DIRAS1: variants seen among roughly 807,000 people sequenced by gnomAD.
The protein encoded by DIRAS1 is DIRAS family GTPase 1, also known as GTP-binding protein Di-Ras1.
Under a neutral mutation model 11.5 loss-of-function variants are expected in DIRAS1, and 3 were observed. The observed-to-expected ratio is 0.26, with a 90% confidence interval of 0.12 to 0.67. DIRAS1 has a LOEUF of 0.67. DIRAS1 is among the 30% of genes least tolerant of loss of function. DIRAS1 has a pLI of 0.80. For synonymous variants in DIRAS1, 128 were observed against 125.8 expected, an observed-to-expected ratio of 1.02 and a Z score of -0.12; for missense variants, 212 against 285.3, an observed-to-expected ratio of 0.74 and a Z score of 1.85.
rs1191955208 is a variant in DIRAS1, at chr19:2,717,741, C to A, written c.66G>T (p.Ser22=). 2 of 1,605,284 alleles carry A rather than the reference C, an allele frequency of 1.2e-6. No homozygotes were observed. Among genetic ancestry groups the A allele is most frequent in the Admixed American group, 1.7e-5 (1 of 60,024 alleles). ...VFGAGGVGKS[S]LVLRFVKGTF... ...TGCCCTTCACGAAGCGCAGCACCAG[C>A]GAGCTCTTGCCCACGCCGCCCGCCC... is the stretch of plus-strand genomic sequence containing the variant. The change falls in exon 2 of 2, where the codon TCG becomes TCT. Residue 22 remains serine, a synonymous_variant. Coordinates refer to ENST00000323469, the MANE Select transcript of DIRAS1 (RefSeq NM_145173.4).
intron 1 of DIRAS1, among the ~76,000 whole-genome samples, chr19:2,720,277 C>T (rs1913923693): frequency 6.6e-6 from 1 of 152,204 alleles, no homozygotes; most frequent in Non-Finnish European, 1.5e-5. Flanking sequence ...GGACCCAGAT[C>T]CAGCCTTTGC....
chr19:2,720,760 G>A (rs992650583), intron 1 of DIRAS1, among the ~76,000 whole-genome samples: 4 of 152,164 alleles, frequency 2.6e-5, no homozygotes, highest in African/African-American at 7.2e-5. Context: ...AGGGTGGGGC[G>A]GGGGTCTGAC....
At position 2,717,037 on chromosome 19, in the gene DIRAS1, C is replaced by T. The variant is rs1035951405; in HGVS notation, c.*173G>A. On this transcript the variant is annotated 3_prime_UTR_variant, in exon 2 of 2. Coordinates refer to ENST00000323469, the MANE Select transcript of DIRAS1 (RefSeq NM_145173.4). ...AGCAGGGGAGGAAGAAAAGCCCCAG[C>T]CCTGCCTCGGGGTGGGCAGGGGCAG... 38 of 657,744 alleles carry T rather than the reference C, an allele frequency of 5.8e-5. No individual in the cohort carries two copies. The highest frequency in any genetic ancestry group is 8.4e-5 in the Non-Finnish European group (33 of 392,318). 40.7% of individuals were successfully genotyped at this position (657,744 alleles called of 1,614,324 possible). A position where few individuals can be genotyped will look rare whatever the true frequency, so the allele number is the denominator to read the frequency against.
At position 2,717,342 on chromosome 19, in the gene DIRAS1, G is replaced by C. The variant is rs1397473933; in HGVS notation, c.465C>G (p.Tyr155Ter). Residue 155 changes from tyrosine (Y) to a stop codon, truncating the protein, a stop_gained, in exon 2 of 2, where the codon TAC becomes TAG. Coordinates refer to ENST00000323469, the MANE Select transcript of DIRAS1 (RefSeq NM_145173.4). LOFTEE classifies it high-confidence loss of function. ...GCTCCTGGAAGAGCTCCTTGACGTT[G>C]TAGTTCATCTTGGCCGAGGTCTCCA... ...AFMETSAKMN[Y>*]NVKELFQELL... 1 of 1,611,206 alleles carries C rather than the reference G, an allele frequency of 6.2e-7. No individual in the cohort carries two copies. The highest frequency in any genetic ancestry group is 2.2e-5 in the East Asian group (1 of 44,882).
chr19:2,721,015 C>G (rs1364286292), intron 1 of DIRAS1, among the ~76,000 whole-genome samples: 3 of 62,288 alleles, frequency 4.8e-5, no homozygotes, highest in Non-Finnish European at 9.4e-5. Context: ...GGGACCAATG[C>G]GGAGAGGGGC....
rs1282895070 is a variant in DIRAS1, at chr19:2,718,161, A to G, written c.-69-286T>C. Among the ~76,000 whole-genome samples, 2 of 152,208 alleles carry G rather than the reference A, an allele frequency of 1.3e-5. No individual in the cohort carries two copies. The highest frequency in any genetic ancestry group is 1.9e-4 in the East Asian group (1 of 5,194). ...CGTGGGAGACGCCGGGATGCCCACG[A>G]AACTCCTTCCCCGGGTGTGGGTGTC... is the stretch of plus-strand genomic sequence containing the variant. On this transcript the variant is annotated intron_variant, in intron 1 of 1. Coordinates refer to ENST00000323469, the MANE Select transcript of DIRAS1 (RefSeq NM_145173.4). This position sits in a 1 kb window ranked among gnomAD's most constrained non-coding sequence, Gnocchi z 4.2.
chr19:2,720,764 G>T (rs1185060785), intron 1 of DIRAS1, among the ~76,000 whole-genome samples: 1 of 151,842 alleles, frequency 6.6e-6, no homozygotes, highest in Non-Finnish European at 1.5e-5. Context: ...TGGGGCGGGG[G>T]TCTGACCCAG....
chr19:2,719,458 G>A (rs1341338267), intron 1 of DIRAS1, among the ~76,000 whole-genome samples: 1 of 146,578 alleles, frequency 6.8e-6, no homozygotes, highest in Non-Finnish European at 1.5e-5. Flanking sequence ...GCCTGAGGAG[G>A]TCACACAGCA....
Position 2,717,148 on chromosome 19 carries a change from G to A in DIRAS1, c.*62C>T, listed in dbSNP as rs1250227728. On this transcript the variant is annotated 3_prime_UTR_variant, in exon 2 of 2. Transcript: ENST00000323469. ...AGAGGAGGAGGCCGAGGAGGGTGTC[G>A]GTGTTGGGGGAGGCAGCGGGGGTCA... 6 of 1,482,252 alleles carry A rather than the reference G, an allele frequency of 4.0e-6. No individual in the cohort carries two copies. The highest frequency in any genetic ancestry group is 3.8e-5 in the Admixed American group (2 of 52,284). The allele number at this position is 1,482,252 out of a possible 1,614,324, so 91.8% of individuals were successfully genotyped here.
rs150982606 is a variant in DIRAS1 at position 2,717,068 on chromosome 19, G to GCGC, written c.*141_*142insGCG. On this transcript the variant is annotated 3_prime_UTR_variant, in exon 2 of 2. Transcript: ENST00000323469. ...CTCGGGGTGGGCAGGGGCAGCGGAGGGGGGGGCGGTGGCCTCGGTTTCCCC... is the reference window on the plus strand; with the variant it reads ...CTCGGGGTGGGCAGGGGCAGCGGAGGCGCGGGGGGCGGTGGCCTCGGTTTCCCC... The GCGC allele has an allele frequency of 9.8e-5, 81 of 822,776 alleles. 1 individual carries two copies. In the South Asian group the frequency reaches 1.4e-3, roughly 14 times the overall value. The allele number at this position is 822,776 out of a possible 1,614,324, so 51.0% of individuals were successfully genotyped here. A position where few individuals can be genotyped will look rare whatever the true frequency, so the allele number is the denominator to read the frequency against.
rs999710250 is a variant in DIRAS1 at position 2,715,526 on chromosome 19, G to T, written c.*1684C>A. On this transcript the variant is annotated 3_prime_UTR_variant, in exon 2 of 2. Transcript: ENST00000323469. ...GCTTCTAAGAAGCAAATCCTTCCCC[G>T]ATCAGGCCTTCAGATGAGACCTCTG... The T allele has an allele frequency of 6.6e-6, 1 of 152,162 alleles. No homozygotes were observed. Among genetic ancestry groups the T allele is most frequent in the African/African-American group, 2.4e-5 (1 of 41,418 alleles). 9.4% of individuals were successfully genotyped at this position (152,162 alleles called of 1,614,324 possible). A position where few individuals can be genotyped will look rare whatever the true frequency, so the allele number is the denominator to read the frequency against.
At position 2,717,133 on chromosome 19, in the gene DIRAS1, G is replaced by A; in HGVS notation, c.*77C>T. 1 of 1,430,380 alleles carries A rather than the reference G, an allele frequency of 7.0e-7. No homozygotes were observed. The highest frequency in any genetic ancestry group is 9.4e-7 in the Non-Finnish European group (1 of 1,060,842). The allele number at this position is 1,430,380 out of a possible 1,614,324, so 88.6% of individuals were successfully genotyped here. A position where few individuals can be genotyped will look rare whatever the true frequency, so the allele number is the denominator to read the frequency against. On this transcript the variant is annotated 3_prime_UTR_variant, in exon 2 of 2. Coordinates refer to ENST00000323469, the MANE Select transcript of DIRAS1 (RefSeq NM_145173.4). ...AGGAAGGATGAGAGAAGAGGAGGAG[G>A]CCGAGGAGGGTGTCGGTGTTGGGGG...
intron 1 of DIRAS1, chr19:2,719,122 G>A (rs1426825526): frequency 3.3e-5 from 5 of 152,170 alleles, no homozygotes; most frequent in African/African-American, 4.8e-5. Flanking sequence ...CATCCAGCTG[G>A]AACTTGTATT....
chr19:2,721,348 C>T lies in DIRAS1; in HGVS notation c.-114G>A, dbSNP rs1913954045. Reference sequence around the variant, plus strand: ...CGGCGCCGCGGCCGCTGCTCCTGCCCGCTCCGGTGTCCGCTGGCGCCGCCG... The same window carrying T: ...CGGCGCCGCGGCCGCTGCTCCTGCCTGCTCCGGTGTCCGCTGGCGCCGCCG... On this transcript the variant is annotated 5_prime_UTR_variant, in exon 1 of 2. Transcript: ENST00000323469. 6.8e-6 allele frequency: 1 copy of T among 146,962 alleles called. No individual in the cohort carries two copies. 9.1% of individuals were successfully genotyped at this position (146,962 alleles called of 1,614,324 possible).
rs558633973 is a variant in DIRAS1, at chr19:2,717,285, G to A, written c.522C>T (p.Ser174=). The A allele has an allele frequency of 1.3e-4, 206 of 1,612,312 alleles. 1 individual carries two copies. The South Asian group carries it at 1.5e-3, about 12-fold the overall frequency. Residue 174 remains serine (S), a synonymous_variant, in exon 2 of 2, where the codon AGC becomes AGT. Transcript: ENST00000323469. ...CGGAGCGCTTGCCGTCGATGTTGAG[G>A]CTCATGTTCCGGCGCGTCTCCAGCG... The part of the protein sequence containing the change: ...LLTLETRRNM[S]LNIDGKRSGK...
rs3833260 is a variant in DIRAS1 at position 2,717,075 on chromosome 19, C to CGG, written c.*133_*134dup. ...TGGGCAGGGGCAGCGGAGGGGGGGG[C>CGG]GGTGGCCTCGGTTTCCCCAGCCGAG... On this transcript the variant is annotated 3_prime_UTR_variant, in exon 2 of 2. Coordinates refer to ENST00000323469, the MANE Select transcript of DIRAS1 (RefSeq NM_145173.4). 2.0e-5 allele frequency: 18 copies of CGG among 882,572 alleles called. No homozygotes were observed. The Admixed American group carries it at 2.6e-4, about 13-fold the overall frequency. 54.7% of individuals were successfully genotyped at this position (882,572 alleles called of 1,614,324 possible). A position where few individuals can be genotyped will look rare whatever the true frequency, so the allele number is the denominator to read the frequency against.
In DIRAS1 at chr19:2,717,640, G is replaced by C; in HGVS notation, c.167C>G (p.Thr56Arg). 1 of 1,613,208 alleles carries C rather than the reference G, an allele frequency of 6.2e-7. No homozygotes were observed. Among genetic ancestry groups the C allele is most frequent in the Admixed American group, 1.7e-5 (1 of 60,020 alleles). ...GCCGGTGGTGTCTGTGATCTGCAGC[G>C]TGCACACGCTCTTGTCGCAGCTGAT... ...QVISCDKSVC[T>R]LQITDTTGSH... The change falls in exon 2 of 2, where the codon ACG (threonine) becomes AGG (arginine). Residue 56 changes from threonine (T) to arginine (R), a missense_variant. By Grantham distance (71) the Thr-to-Arg change is moderately conservative. Transcript: ENST00000323469.
At position 2,721,293 on chromosome 19, in the gene DIRAS1, G is replaced by A. The variant is rs1429390532; in HGVS notation, c.-70+11C>T. The A allele has an allele frequency of 6.9e-6, 1 of 143,930 alleles. No homozygotes were observed. 8.9% of individuals were successfully genotyped at this position (143,930 alleles called of 1,614,324 possible). On this transcript the variant is annotated intron_variant, in intron 1 of 1. Transcript: ENST00000323469. ...TGCGCAGGGACCCCCTCCCCGCCCCGGGCCGCCTACCTGGGCCCGCTGGTC... is the reference window on the plus strand; with the variant it reads ...TGCGCAGGGACCCCCTCCCCGCCCCAGGCCGCCTACCTGGGCCCGCTGGTC...
chr19:2,720,651 G>A (rs1048633778), intron 1 of DIRAS1, among the ~76,000 whole-genome samples: 1 of 152,234 alleles, frequency 6.6e-6, no homozygotes, highest in South Asian at 2.1e-4. Context: ...GGCCGGGCAC[G>A]GCGTGGTTGG....
Sources: allele counts gnomAD v4.1 joint callset (sites outside exome capture counted in the v4.1 genomes callset), GRCh38; gene constraint gnomAD v4.1.1; non-coding constraint Gnocchi (gnomAD v3.1); transcripts MANE v1.5; gene names NCBI Gene and HGNC (gene_info 2026-07-23, HGNC 2026-07-21).